Variants in COX7B2 observed in about 807,000 individuals in gnomAD.
COX7B2 encodes cytochrome c oxidase subunit 7B2.
For synonymous variants in COX7B2, 37 were observed against 32.1 expected, an observed-to-expected ratio of 1.15 and a Z score of -0.51; for missense variants, 109 against 95.9, an observed-to-expected ratio of 1.14 and a Z score of -0.57.
chr4:46,845,471 G>C (rs1369655126), intron 1 of COX7B2, among the ~76,000 whole-genome samples: 1 of 151,890 alleles, frequency 6.6e-6, no homozygotes, highest in African/African-American at 2.4e-5. Flanking sequence ...AAATTAACCA[G>C]CAGACTAATG....
At chr4:46,827,677 G>T (rs1410997803) in intron 2 of COX7B2, among the ~76,000 whole-genome samples, 6 of 152,250 alleles carry the variant, frequency 3.9e-5, no homozygotes, top group Non-Finnish European at 7.4e-5. Context: ...GAAAAAAAGT[G>T]ATTCCAAATA....
intron 2 of COX7B2, among the ~76,000 whole-genome samples, chr4:46,737,368 A>G (rs1338243960): frequency 6.6e-6 from 1 of 152,116 alleles, no homozygotes; most frequent in African/African-American, 2.4e-5. Flanking sequence ...GATTTTGTAA[A>G]TACTTTCTTC....
chr4:46,908,042 T>A (rs1220048630), intron 1 of COX7B2, among the ~76,000 whole-genome samples: 1 of 151,672 alleles, frequency 6.6e-6, no homozygotes, highest in Non-Finnish European at 1.5e-5. Flanking sequence ...TTAGTAGAGA[T>A]GCGTTTCACC....
chr4:46,757,133 A>G (rs1465679161), intron 2 of COX7B2, among the ~76,000 whole-genome samples: 2 of 152,108 alleles, frequency 1.3e-5, no homozygotes, highest in Admixed American at 1.3e-4. Context: ...TAGTCATAAA[A>G]AAGAATGAAA....
chr4:46,908,303 A>G (rs542263185), intron 1 of COX7B2, among the ~76,000 whole-genome samples: 8 of 152,332 alleles, frequency 5.3e-5, no homozygotes, highest in Non-Finnish European at 1.2e-4. Flanking sequence ...AAGGCTACTT[A>G]GAAAAAACTG....
intron 2 of COX7B2, among the ~76,000 whole-genome samples, chr4:46,755,442 C>T (rs965065402): frequency 7.2e-5 from 11 of 151,972 alleles, no homozygotes; most frequent in African/African-American, 2.7e-4. Flanking sequence ...TGTTATTCAA[C>T]ATGGCACTAG....
chr4:46,844,275 C>T (rs1367874819), intron 2 of COX7B2, among the ~76,000 whole-genome samples: 2 of 151,870 alleles, frequency 1.3e-5, no homozygotes, highest in African/African-American at 2.4e-5. Context: ...TGGCCATTAG[C>T]TTGACTGAGG....
In COX7B2 at chr4:46,853,399, A is replaced by G. The variant is rs895662576; in HGVS notation, c.-104-8385T>C. Among the ~76,000 whole-genome samples, 3 of 152,160 alleles carry G rather than the reference A, an allele frequency of 2.0e-5. 1 individual carries two copies. Among genetic ancestry groups the G allele is most frequent in the Non-Finnish European group, 2.9e-5 (2 of 68,016 alleles). ...GTCAGAAATCTGACTCTCATCATCT[A>G]AAATTTGTCTACTTATTTGCTCAAT... On this transcript the variant is annotated intron_variant, in intron 1 of 2. Coordinates refer to ENST00000355591, the MANE Select transcript of COX7B2 (RefSeq NM_130902.3).
chr4:46,737,506 A>T (rs1460117277), intron 2 of COX7B2, among the ~76,000 whole-genome samples: 1 of 152,158 alleles, frequency 6.6e-6, no homozygotes, highest in Non-Finnish European at 1.5e-5. Context: ...GCATAAAAAG[A>T]TCTTTTTAAA....
chr4:46,748,693 G>A (rs1430266767), intron 2 of COX7B2, among the ~76,000 whole-genome samples: 5 of 151,914 alleles, frequency 3.3e-5, no homozygotes, highest in Non-Finnish European at 7.4e-5. Context: ...TTCTTTCCTG[G>A]AAACTCTTCT....
At chr4:46,877,333 A>G (rs1414586268) in intron 1 of COX7B2, among the ~76,000 whole-genome samples, 1 of 152,298 alleles carries the variant, frequency 6.6e-6, no homozygotes, top group Non-Finnish European at 1.5e-5. Flanking sequence ...CTTATTTACT[A>G]AGACATGTCT....
At position 46,800,836 on chromosome 4, in the gene COX7B2, A is replaced by T. The variant is rs573215262; in HGVS notation, c.-50+44124T>A. On this transcript the variant is annotated intron_variant, in intron 2 of 2. Transcript: ENST00000355591. ...ACAGAATAAACAGACAACTCACAGA[A>T]TGGGCAAAAACATTTGCAAACTATG... Among the ~76,000 whole-genome samples the T allele has an allele frequency of 2.0e-5, 3 of 152,280 alleles. No individual in the cohort carries two copies. The East Asian group carries it at 5.8e-4, about 29-fold the overall frequency.
intron 2 of COX7B2, among the ~76,000 whole-genome samples, chr4:46,837,120 G>A (rs1032039400): frequency 6.6e-6 from 1 of 152,034 alleles, no homozygotes; most frequent in Non-Finnish European, 1.5e-5. Flanking sequence ...AAAAGAAAGT[G>A]TGCCTAAAGA....
intron 1 of COX7B2, among the ~76,000 whole-genome samples, chr4:46,876,079 C>A (rs958672406): frequency 6.6e-6 from 1 of 152,046 alleles, no homozygotes; most frequent in African/African-American, 2.4e-5. Context: ...ATATTAACCA[C>A]AGTGCTTTGT....
At chr4:46,775,315 A>G (rs1717096299) in intron 2 of COX7B2, among the ~76,000 whole-genome samples, 1 of 152,128 alleles carries the variant, frequency 6.6e-6, no homozygotes, top group Non-Finnish European at 1.5e-5. Flanking sequence ...TGTTACGGTC[A>G]TATGTTGTTA....
intron 2 of COX7B2, among the ~76,000 whole-genome samples, chr4:46,826,774 A>G (rs188905379): frequency 6.6e-6 from 1 of 152,276 alleles, no homozygotes; most frequent in East Asian, 1.9e-4. Flanking sequence ...AAAACCAAAT[A>G]CTGCATGTTC....
At position 46,741,547 on chromosome 4, in the gene COX7B2, C is replaced by T. The variant is rs143582586; in HGVS notation, c.-49-6306G>A. Among the ~76,000 whole-genome samples the T allele has an allele frequency of 3.6e-3, 555 of 152,102 alleles. 5 individuals carry two copies. Among genetic ancestry groups the T allele is most frequent in the African/African-American group, 0.013 (529 of 41,494 alleles). On this transcript the variant is annotated intron_variant, in intron 2 of 2. Coordinates refer to ENST00000355591, the MANE Select transcript of COX7B2 (RefSeq NM_130902.3). ...CCGCCATGAATGACACCATTCTATA[C>T]AATAGAGAAGGCAACTTAAAATCTA...
intron 2 of COX7B2, among the ~76,000 whole-genome samples, chr4:46,789,882 T>C (rs1033128197): frequency 5.9e-5 from 9 of 152,130 alleles, no homozygotes; most frequent in Admixed American, 3.3e-4. Flanking sequence ...AGCAAATATT[T>C]CCAATGTAGG....
intron 2 of COX7B2, among the ~76,000 whole-genome samples, chr4:46,774,984 T>A (rs1296296254): frequency 3.3e-5 from 5 of 152,154 alleles, no homozygotes; most frequent in African/African-American, 4.8e-5. Context: ...GTTATTTAAT[T>A]TTCAAATAGT....
Sources: allele counts gnomAD v4.1 joint callset (sites outside exome capture counted in the v4.1 genomes callset), GRCh38; gene constraint gnomAD v4.1.1; transcripts MANE v1.5; gene names NCBI Gene and HGNC (gene_info 2026-07-23, HGNC 2026-07-21).